The following BTBD9 variants were observed in gnomAD, a reference collection of about 807,000 sequenced individuals.
BTBD9 encodes BTB domain containing 9, also known as BTB/POZ domain-containing protein 9.
BTBD9 carries 49 observed loss-of-function variants against 64.3 expected under a neutral mutation model. That is an observed-to-expected ratio of 0.76 (90% CI 0.61 to 0.97). The LOEUF (loss-of-function observed/expected upper bound fraction) is 0.97. Ranked by LOEUF, BTBD9 falls within the 50% of genes least tolerant of loss-of-function variation. The pLI is 0.00. For synonymous variants in BTBD9, 260 were observed against 274.7 expected (o/e 0.95, Z 0.53); for missense variants, 598 against 762.1 (o/e 0.78, Z 2.53).
At chr6:38,201,282 G>A (rs985300969) in intron 9 of BTBD9, among the ~76,000 whole-genome samples, 3 of 152,262 alleles carry the variant, frequency 2.0e-5, no homozygotes, top group South Asian at 2.1e-4. Context: ...TGCAAGGATG[G>A]TTTAACAGAC....
intron 6 of BTBD9, among the ~76,000 whole-genome samples, chr6:38,525,076 G>A (rs555410778): frequency 8.5e-5 from 13 of 152,226 alleles, no homozygotes; most frequent in Admixed American, 5.9e-4. Context: ...ATGATGGCAC[G>A]ATCAGCACTG....
intron 6 of BTBD9, among the ~76,000 whole-genome samples, chr6:38,458,512 A>C (rs12528646): frequency 0.039 from 5,886 of 152,320 alleles, 221 homozygotes; most frequent in East Asian, 0.13. Context: ...GGATAATCCT[A>C]TCATGATATA....
chr6:38,605,257 G>A (rs1042386468), intron 1 of BTBD9, among the ~76,000 whole-genome samples: 1 of 152,006 alleles, frequency 6.6e-6, no homozygotes, highest in Non-Finnish European at 1.5e-5. Flanking sequence ...ATGTTGGCCA[G>A]GCTCGTCTCA....
chr6:38,275,790 A>T (rs1761211823), intron 8 of BTBD9, among the ~76,000 whole-genome samples: 1 of 152,138 alleles, frequency 6.6e-6, no homozygotes, highest in African/African-American at 2.4e-5. Flanking sequence ...AATCAAAACC[A>T]CAATGAGATA....
chr6:38,443,196 G>C (rs58163486), intron 6 of BTBD9, among the ~76,000 whole-genome samples: 5,898 of 152,198 alleles, frequency 0.039, 221 homozygotes, highest in East Asian at 0.13. Flanking sequence ...GAAAAATTCA[G>C]GCTGCTGTGA....
chr6:38,346,201 C>A (rs944813705), intron 6 of BTBD9, among the ~76,000 whole-genome samples: 7 of 152,116 alleles, frequency 4.6e-5, no homozygotes, highest in Non-Finnish European at 2.9e-5. Context: ...CTGAGTTAAT[C>A]GCTATTCACT....
intron 7 of BTBD9, among the ~76,000 whole-genome samples, chr6:38,340,186 G>A (rs1168565561): frequency 5.3e-5 from 8 of 152,202 alleles, no homozygotes; most frequent in Non-Finnish European, 8.8e-5. Flanking sequence ...TTAAGTGTAT[G>A]TGCACGTATT....
chr6:38,407,560 T>C (rs940263989), intron 6 of BTBD9, among the ~76,000 whole-genome samples: 1 of 152,172 alleles, frequency 6.6e-6, no homozygotes, highest in Non-Finnish European at 1.5e-5. Flanking sequence ...TTTTGAAGAA[T>C]TCTAGTCATG....
At chr6:38,464,054 A>G (rs1456955351) in intron 6 of BTBD9, among the ~76,000 whole-genome samples, 1 of 152,082 alleles carries the variant, frequency 6.6e-6, no homozygotes, top group African/African-American at 2.4e-5. Context: ...TTGAGTTAAA[A>G]TGAGTTCGTT....
chr6:38,256,525 A>C lies in BTBD9; in HGVS notation c.1455-9T>G, dbSNP rs1452915679. On this transcript the variant is annotated splice_polypyrimidine_tract_variant and intron_variant, in intron 8 of 10. Coordinates refer to ENST00000481247, the MANE Select transcript of BTBD9 (RefSeq NM_001099272.2). Reference sequence around the variant, plus strand: ...AATCCCAAAGTAGTAACCTGAACAAAGGGAAAAACATAAGATTGCTGTAAA... The same window carrying C: ...AATCCCAAAGTAGTAACCTGAACAACGGGAAAAACATAAGATTGCTGTAAA... The C allele has an allele frequency of 1.9e-6, 3 of 1,581,502 alleles. No individual in the cohort carries two copies. The highest frequency in any genetic ancestry group is 2.7e-5 in the African/African-American group (2 of 74,298).
rs548987842 is a variant in BTBD9 at position 38,307,001 on chromosome 6, T to C, written c.1265-18540A>G. On this transcript the variant is annotated intron_variant, in intron 7 of 10. Transcript: ENST00000481247. ...TAGATCATTCTCTATTGCCAAGATT[T>C]TCATAGAGATACAAAGATTTCCTGT... is the stretch of plus-strand genomic sequence containing the variant. Among the ~76,000 whole-genome samples the C allele has an allele frequency of 3.3e-5, 5 of 150,112 alleles. No homozygotes were observed. The South Asian group carries it at 1.1e-3, about 32-fold the overall frequency.
chr6:38,472,961 T>C (rs1194460220), intron 6 of BTBD9, among the ~76,000 whole-genome samples: 1 of 152,208 alleles, frequency 6.6e-6, no homozygotes, highest in Non-Finnish European at 1.5e-5. Flanking sequence ...CCTGATACTA[T>C]GGTTGGATCC....
chr6:38,455,133 T>A (rs1769738312), intron 6 of BTBD9, among the ~76,000 whole-genome samples: 1 of 152,222 alleles, frequency 6.6e-6, no homozygotes, highest in Non-Finnish European at 1.5e-5. Flanking sequence ...TTAAGTGTAT[T>A]TTAAAATTTA....
chr6:38,557,832 A>G (rs1273493761), intron 6 of BTBD9, among the ~76,000 whole-genome samples: 1 of 152,234 alleles, frequency 6.6e-6, no homozygotes, highest in Non-Finnish European at 1.5e-5. Context: ...CTCAGTGACA[A>G]TGTATAACAC....
intron 6 of BTBD9, among the ~76,000 whole-genome samples, chr6:38,377,376 G>T (rs1765732659): frequency 6.6e-6 from 1 of 152,134 alleles, no homozygotes. Context: ...TCTATTCAGG[G>T]ATGAAAGGAC....
At chr6:38,178,063 T>C (rs1761363601) in intron 10 of BTBD9, among the ~76,000 whole-genome samples, 1 of 152,188 alleles carries the variant, frequency 6.6e-6, no homozygotes, top group African/African-American at 2.4e-5. Flanking sequence ...CAGAGCTGCG[T>C]CCCAGTCTGT....
chr6:38,475,220 G>T (rs533259129), intron 6 of BTBD9, among the ~76,000 whole-genome samples: 1 of 152,174 alleles, frequency 6.6e-6, no homozygotes, highest in Non-Finnish European at 1.5e-5. Context: ...GTGGTCTACG[G>T]ACTATAAGAT....
In BTBD9 at chr6:38,174,807, A is replaced by G. The variant is rs1766925457; in HGVS notation, c.*178T>C. The G allele has an allele frequency of 1.4e-6, 1 of 717,666 alleles. No homozygotes were observed. Among genetic ancestry groups the G allele is most frequent in the African/African-American group, 1.8e-5 (1 of 56,466 alleles). 44.5% of individuals were successfully genotyped at this position (717,666 alleles called of 1,614,324 possible). ...GATTTGGATAAATTGAGAAGAACAAAGCAGCCCCTTTCTGTCCTTGGGAGA... is the reference window on the plus strand; with the variant it reads ...GATTTGGATAAATTGAGAAGAACAAGGCAGCCCCTTTCTGTCCTTGGGAGA... On this transcript the variant is annotated 3_prime_UTR_variant, in exon 11 of 11. Coordinates refer to ENST00000481247, the MANE Select transcript of BTBD9 (RefSeq NM_001099272.2).
At chr6:38,293,733 G>A (rs1762051367) in intron 7 of BTBD9, among the ~76,000 whole-genome samples, 1 of 152,126 alleles carries the variant, frequency 6.6e-6, no homozygotes. Flanking sequence ...AAACCTAGAG[G>A]CAGTACCATT....
Sources: allele counts gnomAD v4.1 joint callset (sites outside exome capture counted in the v4.1 genomes callset), GRCh38; gene constraint gnomAD v4.1.1; transcripts MANE v1.5; gene names NCBI Gene and HGNC (gene_info 2026-07-23, HGNC 2026-07-21).